LTBP1: variants seen among roughly 807,000 people sequenced by gnomAD.
LTBP1 encodes latent-transforming growth factor beta-binding protein 1.
LTBP1 carries 129 observed loss-of-function variants against 207.6 expected under a neutral mutation model. The observed-to-expected ratio is 0.62, with a 90% CI of 0.54 to 0.72. The LOEUF (loss-of-function observed/expected upper bound fraction) is 0.72, where lower values mean the gene tolerates loss of function less well. Among genes scored for constraint, LTBP1 ranks in the 30% least tolerant of loss-of-function variants. The pLI, the probability that LTBP1 is intolerant of heterozygous loss-of-function variation, is 0.00. For missense variants in LTBP1, 2,281 were observed against 2,217.2 expected (o/e 1.03, Z -0.58); for synonymous variants, 963 against 833.7 (o/e 1.16, Z -2.67).
chr2:33,046,904 A>G (rs759677773), intron 3 of LTBP1, among the ~76,000 whole-genome samples: 3 of 152,068 alleles, frequency 2.0e-5, no homozygotes, highest in Non-Finnish European at 4.4e-5. Context: ...GCATAGAGGA[A>G]GTCAAATAGT....
At chr2:33,206,742 A>AC (rs2089913195) in intron 7 of LTBP1, among the ~76,000 whole-genome samples, 2 of 151,626 alleles carry the variant, frequency 1.3e-5, no homozygotes, top group African/African-American at 4.8e-5. Flanking sequence ...CCATTTCAAA[A>AC]AAAAAAAAAA....
At chr2:33,221,439 A>T (rs1420771108) in intron 8 of LTBP1, among the ~76,000 whole-genome samples, 1 of 152,194 alleles carries the variant, frequency 6.6e-6, no homozygotes, top group African/African-American at 2.4e-5. Context: ...TCAGAATCTC[A>T]GGAAATAGGG....
At chr2:33,212,929 T>G (rs73924189) in intron 7 of LTBP1, among the ~76,000 whole-genome samples, 49 of 152,330 alleles carry the variant, frequency 3.2e-4, no homozygotes, top group African/African-American at 1.2e-3. Context: ...GTCCCAAGCG[T>G]TTTAGATCAG....
At chr2:33,265,227 G>T (rs1395470730) in intron 15 of LTBP1, among the ~76,000 whole-genome samples, 2 of 152,180 alleles carry the variant, frequency 1.3e-5, no homozygotes, top group Non-Finnish European at 2.9e-5. Flanking sequence ...ACATCCCTTA[G>T]CCCAGTCCAG....
intron 5 of LTBP1, among the ~76,000 whole-genome samples, chr2:33,149,228 C>CAAAAAAAAAAAAAAAAA (rs58303103): frequency 7.2e-5 from 6 of 82,806 alleles, no homozygotes; most frequent in Admixed American, 1.7e-4. Context: ...CACAAAAAAA[C>CAAAAAAAAAAAAAAAAA]AAAAAAAAAA....
intron 7 of LTBP1, among the ~76,000 whole-genome samples, chr2:33,204,625 G>C (rs1007375153): frequency 6.6e-6 from 1 of 151,612 alleles, no homozygotes; most frequent in African/African-American, 2.4e-5. Flanking sequence ...TGTTGCCCAA[G>C]CTGGAGTGCA....
At chr2:33,248,405 A>G (rs2149860569) in intron 10 of LTBP1, among the ~76,000 whole-genome samples, 1 of 152,300 alleles carries the variant, frequency 6.6e-6, no homozygotes, top group African/African-American at 2.4e-5. Context: ...TTGAAACTGG[A>G]TCTGTCTCAC....
chr2:33,059,220 A>G (rs1484929249), intron 3 of LTBP1, among the ~76,000 whole-genome samples: 3 of 152,190 alleles, frequency 2.0e-5, no homozygotes, highest in Non-Finnish European at 4.4e-5. Context: ...ATGTGACCAT[A>G]TATTTTGGAT....
At chr2:33,063,692 C>T (rs1394391324) in intron 3 of LTBP1, among the ~76,000 whole-genome samples, 1 of 152,056 alleles carries the variant, frequency 6.6e-6, no homozygotes, top group Non-Finnish European at 1.5e-5. Context: ...GGTTTGAAAA[C>T]TGCTGCCATA....
chr2:33,276,040 C>CT, intron 18 of LTBP1, 117 bp downstream of exon 18: 2 of 1,289,788 alleles, frequency 1.6e-6, no homozygotes, highest in Non-Finnish European at 2.1e-6. Flanking sequence ...TATCCAAGCT[C>CT]TTTCTGCTTC....
Position 32,947,775 on chromosome 2 carries a change from G to T in LTBP1, c.451G>T (p.Gly151Ter). The change falls in exon 1 of 34, where the codon GGA (glycine) becomes TGA (stop). Residue 151 changes from glycine (G) to a stop codon, truncating the protein, a stop_gained. Coordinates refer to ENST00000404816, the MANE Select transcript of LTBP1 (RefSeq NM_206943.4). LOFTEE classifies it high-confidence loss of function. The part of the protein sequence containing the change: ...SKVPQETQSG[G>*]GSRLQVHQKQ... ...GGTGCCGCAGGAGACCCAGAGCGGC[G>T]GAGGCTCTAGGCTGCAGGTTCACCA... The T allele has an allele frequency of 6.6e-7, 1 of 1,513,958 alleles. No individual in the cohort carries two copies. The highest frequency in any genetic ancestry group is 1.4e-5 in the African/African-American group (1 of 69,844). 93.8% of individuals were successfully genotyped at this position (1,513,958 alleles called of 1,614,324 possible). A position where few individuals can be genotyped will look rare whatever the true frequency, so the allele number is the denominator to read the frequency against.
At chr2:33,367,458 G>A (rs1034555390) in intron 31 of LTBP1, among the ~76,000 whole-genome samples, 4 of 152,026 alleles carry the variant, frequency 2.6e-5, no homozygotes, top group African/African-American at 4.8e-5. Context: ...TAACAATAGC[G>A]AACACTGTGC....
intron 32 of LTBP1, among the ~76,000 whole-genome samples, chr2:33,391,318 A>C (rs987411520): frequency 1.4e-5 from 2 of 146,048 alleles, no homozygotes; most frequent in African/African-American, 5.1e-5. Flanking sequence ...CTTTCTTTTC[A>C]TCCACAGCAC....
intron 3 of LTBP1, among the ~76,000 whole-genome samples, chr2:33,028,679 C>A (rs2149295612): frequency 6.6e-6 from 1 of 152,338 alleles, no homozygotes; most frequent in African/African-American, 2.4e-5. Context: ...AAGTCCCATT[C>A]TTTACGGTAC....
At chr2:33,228,115 T>A (rs1434697574) in intron 9 of LTBP1, among the ~76,000 whole-genome samples, 1 of 152,112 alleles carries the variant, frequency 6.6e-6, no homozygotes, top group Non-Finnish European at 1.5e-5. Context: ...AAGAAGCTCT[T>A]ATTATAGCTT....
At chr2:33,243,849 C>T (rs529780079) in intron 10 of LTBP1, 65 bp downstream of exon 10, 59 of 1,572,442 alleles carry the variant, frequency 3.8e-5, no homozygotes, top group Middle Eastern at 3.4e-4. Flanking sequence ...TCCAAAAGAA[C>T]GGAAATACTC....
intron 4 of LTBP1, among the ~76,000 whole-genome samples, chr2:33,123,370 C>G (rs1169578422): frequency 6.6e-6 from 1 of 152,094 alleles, no homozygotes; most frequent in Non-Finnish European, 1.5e-5. Flanking sequence ...GGAATCCTAT[C>G]ATGCCTCCTG....
At chr2:33,082,302 A>G (rs1363343211) in intron 3 of LTBP1, among the ~76,000 whole-genome samples, 1 of 152,168 alleles carries the variant, frequency 6.6e-6, no homozygotes, top group Non-Finnish European at 1.5e-5. Flanking sequence ...ACTGTGAGCC[A>G]GTCAATTTCT....
At chr2:33,062,210 T>C (rs773129750) in intron 3 of LTBP1, among the ~76,000 whole-genome samples, 4 of 97,972 alleles carry the variant, frequency 4.1e-5, no homozygotes, top group Admixed American at 1.4e-4. Context: ...TATCAATCTT[T>C]TATCTCTCTG....
Sources: allele counts gnomAD v4.1 joint callset (sites outside exome capture counted in the v4.1 genomes callset), GRCh38; gene constraint gnomAD v4.1.1; transcripts MANE v1.5; gene names NCBI Gene and HGNC (gene_info 2026-07-23, HGNC 2026-07-21).